EPHA6: variants seen among roughly 807,000 people sequenced by gnomAD.
EPHA6 encodes EPH receptor A6.
EPHA6 carries 50 observed loss-of-function variants against 112.0 expected under a neutral mutation model. The ratio of observed to expected loss-of-function variants is 0.45; its 90% CI spans 0.36 to 0.56. EPHA6 has a LOEUF of 0.56. EPHA6 is among the 20% of genes least tolerant of loss of function. The probability of loss-of-function intolerance (pLI) is 0.00; values close to 1 mark genes in which losing one functional copy is unlikely to be tolerated. For synonymous variants in EPHA6, 529 were observed against 490.7 expected, an observed-to-expected ratio of 1.08 and a Z score of -1.03; for missense variants, 1,280 against 1,417.4, an observed-to-expected ratio of 0.90 and a Z score of 1.56.
rs1170341287 is a variant in EPHA6, at chr3:97,397,721, G to C, written c.1607-7429G>C. On this transcript the variant is annotated intron_variant, in intron 5 of 17. Coordinates refer to ENST00000389672, the MANE Select transcript of EPHA6 (RefSeq NM_001080448.3). The stretch of plus-strand genomic sequence containing the variant: ...TGCATGAACCGTGAAAACGCTAATA[G>C]GAAAGTATTGGAAATTTCAACATTA... Among the ~76,000 whole-genome samples the C allele has an allele frequency of 2.0e-5, 3 of 151,372 alleles. No individual in the cohort carries two copies. In the Admixed American group the frequency reaches 2.0e-4, roughly 10 times the overall value.
At chr3:97,719,680 T>C (rs187284932) in intron 14 of EPHA6, among the ~76,000 whole-genome samples, 1 of 152,214 alleles carries the variant, frequency 6.6e-6, no homozygotes, top group African/African-American at 2.4e-5. Context: ...TATATTAAAG[T>C]TTTTGAAAGA....
chr3:97,022,301 A>C (rs987801695), intron 3 of EPHA6, among the ~76,000 whole-genome samples: 15 of 152,154 alleles, frequency 9.9e-5, no homozygotes, highest in Non-Finnish European at 1.0e-4. Context: ...TAATCACCCC[A>C]GCTATATTAA....
intron 3 of EPHA6, among the ~76,000 whole-genome samples, chr3:97,031,995 C>G: frequency 6.6e-6 from 1 of 152,130 alleles, no homozygotes; most frequent in East Asian, 1.9e-4. Flanking sequence ...GACACATGCA[C>G]ACGTATGTTT....
At chr3:96,931,547 G>A (rs934766286) in intron 2 of EPHA6, among the ~76,000 whole-genome samples, 5 of 152,196 alleles carry the variant, frequency 3.3e-5, no homozygotes, top group Admixed American at 1.3e-4. Flanking sequence ...CCCACTTAAA[G>A]AAGCAGTCTG....
At chr3:97,038,435 C>A (rs1222884884) in intron 3 of EPHA6, among the ~76,000 whole-genome samples, 2 of 152,020 alleles carry the variant, frequency 1.3e-5, no homozygotes, top group Non-Finnish European at 2.9e-5. Context: ...TGGCTTATTT[C>A]ACTTACCATA....
chr3:97,575,057 A>G (rs1347555214), intron 11 of EPHA6, among the ~76,000 whole-genome samples: 1 of 152,178 alleles, frequency 6.6e-6, no homozygotes, highest in Non-Finnish European at 1.5e-5. Context: ...ACAAAACTAG[A>G]TTACTTTTTT....
intron 3 of EPHA6, among the ~76,000 whole-genome samples, chr3:97,122,968 A>G (rs1052399695): frequency 1.3e-5 from 2 of 152,050 alleles, no homozygotes; most frequent in African/African-American, 4.8e-5. Context: ...CTCTTTGTAT[A>G]CAAAGCTTGT....
At chr3:97,159,289 T>C (rs146241214) in intron 3 of EPHA6, among the ~76,000 whole-genome samples, 1 of 152,124 alleles carries the variant, frequency 6.6e-6, no homozygotes, top group African/African-American at 2.4e-5. Flanking sequence ...AACTCACTTA[T>C]TTTTTGAGCC....
At chr3:97,561,468 G>A (rs1247481895) in intron 11 of EPHA6, among the ~76,000 whole-genome samples, 1 of 152,072 alleles carries the variant, frequency 6.6e-6, no homozygotes, top group Non-Finnish European at 1.5e-5. Flanking sequence ...ATTCCCTTAA[G>A]CCAAAGTCTG....
intron 7 of EPHA6, among the ~76,000 whole-genome samples, chr3:97,469,519 T>C (rs2091160483): frequency 6.6e-6 from 1 of 151,738 alleles, no homozygotes; most frequent in South Asian, 2.1e-4. Flanking sequence ...GAGACTGCTG[T>C]CTAGCTGATT....
At chr3:96,944,603 A>G (rs77639293) in intron 2 of EPHA6, among the ~76,000 whole-genome samples, 2 of 152,202 alleles carry the variant, frequency 1.3e-5, no homozygotes, top group East Asian at 3.9e-4. Context: ...TCACGCCTGT[A>G]ATCCCAGCAC....
At chr3:97,156,361 C>T (rs1305536563) in intron 3 of EPHA6, among the ~76,000 whole-genome samples, 2 of 151,946 alleles carry the variant, frequency 1.3e-5, no homozygotes, top group African/African-American at 2.4e-5. Context: ...ATATACTTAA[C>T]AAAATTTCTC....
chr3:97,341,511 C>T (rs143579813), intron 5 of EPHA6, among the ~76,000 whole-genome samples: 2,386 of 152,030 alleles, frequency 0.016, 57 homozygotes, highest in African/African-American at 0.052. Context: ...CCCGCCACCA[C>T]GCCTGGCTAA....
chr3:97,534,499 GT>G (rs1439833346), intron 11 of EPHA6, among the ~76,000 whole-genome samples: 1 of 136,184 alleles, frequency 7.3e-6, no homozygotes, highest in Non-Finnish European at 1.5e-5. Flanking sequence ...CTTTGAATGA[GT>G]TTTATACTTT....
chr3:97,712,961 T>C lies in EPHA6; in HGVS notation c.2785-7300T>C, dbSNP rs572814574. Among the ~76,000 whole-genome samples the C allele has an allele frequency of 6.6e-5, 10 of 152,290 alleles. No individual in the cohort carries two copies. In the South Asian group the frequency reaches 1.9e-3, roughly 28 times the overall value. ...ACAAAGCTGATGATTTAGCTATTCA[T>C]GTTTATTTGAAATTGTTTCTCATCT... On this transcript the variant is annotated intron_variant, in intron 14 of 17. Coordinates refer to ENST00000389672, the MANE Select transcript of EPHA6 (RefSeq NM_001080448.3).
At chr3:97,284,492 C>A (rs745379628) in intron 5 of EPHA6, among the ~76,000 whole-genome samples, 1 of 152,116 alleles carries the variant, frequency 6.6e-6, no homozygotes, top group Non-Finnish European at 1.5e-5. Flanking sequence ...TGTGTCTCCA[C>A]TCCCATTTTT....
At chr3:97,070,939 A>G (rs2046330454) in intron 3 of EPHA6, among the ~76,000 whole-genome samples, 1 of 152,150 alleles carries the variant, frequency 6.6e-6, no homozygotes, top group South Asian at 2.1e-4. Flanking sequence ...ACAAGGCCCT[A>G]TAATGTTTGC....
chr3:97,351,624 G>A (rs1282812186), intron 5 of EPHA6, among the ~76,000 whole-genome samples: 2 of 152,076 alleles, frequency 1.3e-5, no homozygotes, highest in Non-Finnish European at 2.9e-5. Context: ...ACAAATAGAA[G>A]CAATCTACTG....
At chr3:97,676,185 T>G (rs529245311) in intron 14 of EPHA6, among the ~76,000 whole-genome samples, 1 of 152,150 alleles carries the variant, frequency 6.6e-6, no homozygotes, top group East Asian at 1.9e-4. Context: ...GACTGAATGA[T>G]ATTGCCAAGA....
Sources: gnomAD v4.1 joint callset for allele counts (sites outside exome capture counted in the v4.1 genomes callset) on GRCh38, gnomAD v4.1.1 for gene constraint, MANE v1.5 for transcripts, NCBI Gene and HGNC (gene_info 2026-07-23, HGNC 2026-07-21) for gene names.